The following SLC25A36 variants were observed in gnomAD, a reference collection of about 807,000 sequenced individuals.
SLC25A36 encodes the protein solute carrier family 25 member 36, also known as epididymis secretory sperm binding protein.
SLC25A36 carries 24 observed loss-of-function variants against 35.3 expected under a neutral mutation model. That is an observed-to-expected ratio of 0.68 (90% CI 0.49 to 0.96). The LOEUF (loss-of-function observed/expected upper bound fraction) is 0.96, where lower values mean the gene tolerates loss of function less well. Among genes scored for constraint, SLC25A36 ranks in the 40% least tolerant of loss-of-function variants. SLC25A36 has a pLI of 0.00. For synonymous variants in SLC25A36, 141 were observed against 132.2 expected, an observed-to-expected ratio of 1.07 and a Z score of -0.46; for missense variants, 294 against 381.1, an observed-to-expected ratio of 0.77 and a Z score of 1.90.
intron 4 of SLC25A36, chr3:140,966,662 G>A (rs1417500476): frequency 9.0e-6 from 3 of 332,182 alleles, no homozygotes; most frequent in Non-Finnish European, 1.8e-5. Flanking sequence ...GACAAGGTTA[G>A]CATTTTTTCT....
At position 140,961,606 on chromosome 3, in the gene SLC25A36, A is replaced by G. The variant is rs192898307; in HGVS notation, c.285-1521A>G. On this transcript the variant is annotated intron_variant, in intron 3 of 6. Transcript: ENST00000324194. ...CAGAGTGGCTCACACCTGTAATCCC[A>G]GCACTTTGGGAGGCCAAGGCGGGTG... Among the ~76,000 whole-genome samples, 265 of 152,234 alleles carry G rather than the reference A, an allele frequency of 1.7e-3. 5 individuals carry two copies. The highest frequency in any genetic ancestry group is 0.017 in the Admixed American group (263 of 15,292).
chr3:140,976,464 A>ACT lies in SLC25A36; in HGVS notation c.*12_*13dup. On this transcript the variant is annotated 3_prime_UTR_variant, in exon 7 of 7. Coordinates refer to ENST00000324194, the MANE Select transcript of SLC25A36 (RefSeq NM_001104647.3). ...CTACTCAATGGATAGCAGCACGAGG[A>ACT]CTGCTGTACTGCAAAAAAAGAAGAC... 1 of 1,583,506 alleles carries ACT rather than the reference A, an allele frequency of 6.3e-7. No homozygotes were observed. The highest frequency in any genetic ancestry group is 8.6e-7 in the Non-Finnish European group (1 of 1,167,702).
chr3:140,951,381 T>TA (rs1435964987), intron 1 of SLC25A36, among the ~76,000 whole-genome samples: 1 of 152,348 alleles, frequency 6.6e-6, no homozygotes, highest in East Asian at 1.9e-4. Flanking sequence ...GTCACCCCTA[T>TA]ACTACACATC....
chr3:140,967,991 TTC>T, intron 4 of SLC25A36: 1 of 985,026 alleles, frequency 1.0e-6, no homozygotes, highest in South Asian at 4.7e-5. Context: ...AATAGGCAAT[TTC>T]TAAATTTCAG....
intron 1 of SLC25A36, 53 bp from the exon 2 acceptor site, chr3:140,956,474 C>CT: frequency 6.8e-7 from 1 of 1,469,870 alleles, no homozygotes; most frequent in South Asian, 1.5e-5. Context: ...GGCATATATA[C>CT]TAACTTATGA....
At chr3:140,953,775 A>G (rs1158980092) in intron 1 of SLC25A36, among the ~76,000 whole-genome samples, 1 of 152,142 alleles carries the variant, frequency 6.6e-6, no homozygotes, top group Non-Finnish European at 1.5e-5. Flanking sequence ...TGTGCAACAT[A>G]GCAAGACCCT....
At chr3:140,948,652 T>A (rs894346609) in intron 1 of SLC25A36, among the ~76,000 whole-genome samples, 102 of 152,248 alleles carry the variant, frequency 6.7e-4, no homozygotes, top group African/African-American at 2.4e-3. Flanking sequence ...ACAAATATTG[T>A]TGACCTCATC....
In SLC25A36 at chr3:140,977,379, AATAG is replaced by A. The variant is rs1361874557; in HGVS notation, c.*929_*932del. 6.6e-6 allele frequency: 1 copy of A among 152,168 alleles called. No individual in the cohort carries two copies. The highest frequency in any genetic ancestry group is 1.5e-5 in the Non-Finnish European group (1 of 68,020). 9.4% of individuals were successfully genotyped at this position (152,168 alleles called of 1,614,324 possible). A position where few individuals can be genotyped will look rare whatever the true frequency, so the allele number is the denominator to read the frequency against. On this transcript the variant is annotated 3_prime_UTR_variant, in exon 7 of 7. Transcript: ENST00000324194. ...TTGAGTTTTTTCCAGGTCTATATATAATAGATTACATTTATTTTGTAAAGAAAAT... is the reference window on the plus strand; with the variant it reads ...TTGAGTTTTTTCCAGGTCTATATATAATTACATTTATTTTGTAAAGAAAAT...
intron 1 of SLC25A36, among the ~76,000 whole-genome samples, chr3:140,947,645 T>C (rs1934203356): frequency 6.6e-6 from 1 of 152,218 alleles, no homozygotes; most frequent in African/African-American, 2.4e-5. Flanking sequence ...TTTTCTGTAT[T>C]ACTAGTCTTG....
intron 1 of SLC25A36, chr3:140,942,632 T>C (rs2292919): frequency 0.099 from 15,074 of 152,316 alleles, 1,054 homozygotes; most frequent in African/African-American, 0.19. Context: ...GAGACTCCTT[T>C]AGCCCTCGCT....
At chr3:140,960,968 A>G (rs531358775) in intron 3 of SLC25A36, among the ~76,000 whole-genome samples, 4 of 152,316 alleles carry the variant, frequency 2.6e-5, no homozygotes, top group East Asian at 3.9e-4. Context: ...ATGAAAACAT[A>G]ACTTCGTCAT....
intron 2 of SLC25A36, 37 bp downstream of exon 2, chr3:140,956,728 T>G (rs771527480): frequency 6.5e-7 from 1 of 1,543,660 alleles, no homozygotes; most frequent in South Asian, 1.3e-5. Flanking sequence ...TTTTAGTTTG[T>G]TTGCGTTAGT....
rs1935166790 is a variant in SLC25A36, at chr3:140,980,939, G to A, written c.*4486G>A. On this transcript the variant is annotated 3_prime_UTR_variant, in exon 7 of 7. Coordinates refer to ENST00000324194, the MANE Select transcript of SLC25A36 (RefSeq NM_001104647.3). ...CTGTGTTTATACAGTGGTGTCATGT[G>A]ATTTCTTAATAGCCTATAGATCCAA... Among the ~76,000 whole-genome samples the A allele has an allele frequency of 6.6e-6, 1 of 152,120 alleles. No homozygotes were observed. The highest frequency in any genetic ancestry group is 2.4e-5 in the African/African-American group (1 of 41,422).
At chr3:140,975,557 TA>T (rs980238897) in intron 6 of SLC25A36, among the ~76,000 whole-genome samples, 3 of 152,146 alleles carry the variant, frequency 2.0e-5, no homozygotes, top group African/African-American at 7.2e-5. Context: ...ATAGTGGATG[TA>T]AAAAAAAGTA....
rs1167991275 is a variant in SLC25A36, at chr3:140,978,066, C to A, written c.*1613C>A. ...TATTCTGTGTACCCTGTCGTACCCC[C>A]AACATTATAGAATATTGCAGCGTGT... is the stretch of plus-strand genomic sequence containing the variant. On this transcript the variant is annotated 3_prime_UTR_variant, in exon 7 of 7. Coordinates refer to ENST00000324194, the MANE Select transcript of SLC25A36 (RefSeq NM_001104647.3). The A allele has an allele frequency of 6.6e-6, 1 of 152,076 alleles. No individual in the cohort carries two copies. The highest frequency in any genetic ancestry group is 1.5e-5 in the Non-Finnish European group (1 of 68,020). The allele number at this position is 152,076 out of a possible 1,614,324, so 9.4% of individuals were successfully genotyped here.
At chr3:140,954,575 A>G (rs1391381620) in intron 1 of SLC25A36, among the ~76,000 whole-genome samples, 1 of 152,206 alleles carries the variant, frequency 6.6e-6, no homozygotes, top group Non-Finnish European at 1.5e-5. Context: ...TAGCCATTTA[A>G]TAGATGGGCA....
At chr3:140,964,465 G>A (rs1576484745) in intron 4 of SLC25A36, 1 of 151,844 alleles carries the variant, frequency 6.6e-6, no homozygotes, top group African/African-American at 2.4e-5. Flanking sequence ...TTTGGATTTT[G>A]AGAATTAGTT....
chr3:140,972,376 G>A lies in SLC25A36; in HGVS notation c.453-1340G>A, dbSNP rs561107335. ...CTTGAGGATTCTGGTTTATAAGGCTGAGGGCTGAGCGCAGTGGATCATGCC... is the reference window on the plus strand; with the variant it reads ...CTTGAGGATTCTGGTTTATAAGGCTAAGGGCTGAGCGCAGTGGATCATGCC... On this transcript the variant is annotated intron_variant, in intron 5 of 6. Coordinates refer to ENST00000324194, the MANE Select transcript of SLC25A36 (RefSeq NM_001104647.3). Among the ~76,000 whole-genome samples the A allele has an allele frequency of 8.2e-3, 1,242 of 152,214 alleles. 14 individuals are homozygous for A. The highest frequency in any genetic ancestry group is 0.02 in the African/African-American group (851 of 41,538).
Position 140,977,887 on chromosome 3 carries a change from G to C in SLC25A36, c.*1434G>C, listed in dbSNP as rs1047321. 6.0e-5 allele frequency: 9 copies of C among 151,168 alleles called. No homozygotes were observed. The highest frequency in any genetic ancestry group is 7.3e-5 in the African/African-American group (3 of 41,148). The allele number at this position is 151,168 out of a possible 1,614,324, so 9.4% of individuals were successfully genotyped here. On this transcript the variant is annotated 3_prime_UTR_variant, in exon 7 of 7. Coordinates refer to ENST00000324194, the MANE Select transcript of SLC25A36 (RefSeq NM_001104647.3). Reference sequence around the variant, plus strand: ...GTGAAAGCACTTTGTGGCCTTTTTTGGGGGGGAGGGTGAGAGAGTAGGAGA... The same window carrying C: ...GTGAAAGCACTTTGTGGCCTTTTTTCGGGGGGAGGGTGAGAGAGTAGGAGA...
Sources: allele counts gnomAD v4.1 joint callset (sites outside exome capture counted in the v4.1 genomes callset), GRCh38; gene constraint gnomAD v4.1.1; transcripts MANE v1.5; gene names NCBI Gene and HGNC (gene_info 2026-07-23, HGNC 2026-07-21).